Variants in PIAS1 observed in about 807,000 individuals in gnomAD.
PIAS1 encodes the protein E3 SUMO-protein ligase PIAS1.
PIAS1 carries 6 observed loss-of-function variants against 71.3 expected under a neutral mutation model. The observed-to-expected ratio is 0.08, with a 90% confidence interval of 0.05 to 0.17. PIAS1 has a LOEUF of 0.17. Among genes scored for constraint, PIAS1 ranks in the 10% least tolerant of loss-of-function variants. PIAS1 has a pLI of 1.00. For synonymous variants in PIAS1, 303 were observed against 292.9 expected, an observed-to-expected ratio of 1.03 and a Z score of -0.35; for missense variants, 555 against 793.6, an observed-to-expected ratio of 0.70 and a Z score of 3.61.
rs972232850 is a variant in PIAS1, at chr15:68,054,614, G to A, written c.24+264G>A. The A allele has an allele frequency of 4.2e-5, 17 of 407,166 alleles. No individual in the cohort carries two copies. Among genetic ancestry groups the A allele is most frequent in the Non-Finnish European group, 7.0e-5 (16 of 228,664 alleles). 25.2% of individuals were successfully genotyped at this position (407,166 alleles called of 1,614,324 possible). On this transcript the variant is annotated intron_variant, in intron 1 of 13. Transcript: ENST00000249636. The surrounding 1 kb of genome is among the most constrained non-coding windows in gnomAD (Gnocchi z 4.6). ...CTCTGGCGGGGGTGGCGGGGGAAGA[G>A]ATAGGGAGTCCGGAGGTAGGGGCTG...
rs923575423 is a variant in PIAS1, at chr15:68,186,959, T to G, written c.1663-583T>G. ...ATTTCTCAAAACACATCCGTGTCAT[T>G]AAGCGACGCATGACTGTATTTAAAA... On this transcript the variant is annotated intron_variant, in intron 13 of 13. Transcript: ENST00000249636. This position sits in a 1 kb window ranked among gnomAD's most constrained non-coding sequence, Gnocchi z 4.4. Among the ~76,000 whole-genome samples, 4 of 152,268 alleles carry G rather than the reference T, an allele frequency of 2.6e-5. No individual in the cohort carries two copies. In the South Asian group the frequency reaches 8.3e-4, roughly 31 times the overall value.
At chr15:68,117,388 T>G (rs2092574015) in intron 2 of PIAS1, among the ~76,000 whole-genome samples, 1 of 152,184 alleles carries the variant, frequency 6.6e-6, no homozygotes, top group South Asian at 2.1e-4. Flanking sequence ...GCCTGGCCCC[T>G]TCTTGCTATT....
Position 68,174,171 on chromosome 15 carries a change from T to C in PIAS1, c.1169+279T>C, listed in dbSNP as rs573365942. Among the ~76,000 whole-genome samples the C allele has an allele frequency of 1.5e-3, 222 of 152,374 alleles. 1 individual carries two copies. Among genetic ancestry groups the C allele is most frequent in the African/African-American group, 5.0e-3 (208 of 41,586 alleles). The stretch of plus-strand genomic sequence containing the variant: ...GGTGCTTTTAAGCAGGGTGTGCTTA[T>C]ACCTTTTCCTTTTCCTGTCATTAGT... On this transcript the variant is annotated intron_variant, in intron 9 of 13. Coordinates refer to ENST00000249636, the MANE Select transcript of PIAS1 (RefSeq NM_016166.3). This position sits in a 1 kb window ranked among gnomAD's most constrained non-coding sequence, Gnocchi z 4.0.
intron 1 of PIAS1, among the ~76,000 whole-genome samples, chr15:68,072,790 A>G (rs1245076513): frequency 6.6e-6 from 1 of 152,150 alleles, no homozygotes; most frequent in Non-Finnish European, 1.5e-5. Flanking sequence ...CTCTTCAATT[A>G]GATTTATTTT....
At chr15:68,184,948 G>A (rs553698688) in intron 13 of PIAS1, 1 of 153,482 alleles carries the variant, frequency 6.5e-6, no homozygotes, top group East Asian at 1.9e-4. Flanking sequence ...AGAAGTCATC[G>A]ATGACCCAGC....
In PIAS1 at chr15:68,135,126, C is replaced by T. The variant is rs372858357; in HGVS notation, c.470-6820C>T. 2.7e-3 allele frequency among the ~76,000 whole-genome samples: 51 copies of T among 18,888 alleles called. No individual in the cohort carries two copies. In the East Asian group the frequency reaches 0.028, roughly 10 times the overall value. 12.4% of individuals were successfully genotyped at this position (18,888 alleles called of 152,430 possible). On this transcript the variant is annotated intron_variant, in intron 2 of 13. Coordinates refer to ENST00000249636, the MANE Select transcript of PIAS1 (RefSeq NM_016166.3). ...CCCCCCACCTCCCTCCCGGACGGGG[C>T]GGCTGGCCTGGCGGGGGCTGACCCC...
intron 1 of PIAS1, among the ~76,000 whole-genome samples, chr15:68,069,859 A>AATAG (rs1032281750): frequency 6.6e-6 from 1 of 152,120 alleles, no homozygotes; most frequent in African/African-American, 2.4e-5. Context: ...CTATATGAAA[A>AATAG]ATAGTTTGGT....
In PIAS1 at chr15:68,190,012, C is replaced by A. The variant is rs886335998; in HGVS notation, c.*2177C>A. ...CTTAGGTAAAATGAATAGTTTTCTT[C>A]CTGTTTTTTTATGTGTCATTGTTAG... On this transcript the variant is annotated 3_prime_UTR_variant, in exon 14 of 14. Coordinates refer to ENST00000249636, the MANE Select transcript of PIAS1 (RefSeq NM_016166.3). The surrounding 1 kb of genome is among the most constrained non-coding windows in gnomAD (Gnocchi z 4.7). 1 of 152,046 alleles carries A rather than the reference C, an allele frequency of 6.6e-6. No individual in the cohort carries two copies. 9.4% of individuals were successfully genotyped at this position (152,046 alleles called of 1,614,324 possible).
intron 2 of PIAS1, among the ~76,000 whole-genome samples, chr15:68,129,962 A>T (rs574840136): frequency 3.3e-5 from 5 of 151,776 alleles, no homozygotes; most frequent in Non-Finnish European, 7.4e-5. Context: ...TTATTTTGTA[A>T]TCTCTTGTGG....
intron 2 of PIAS1, among the ~76,000 whole-genome samples, chr15:68,110,147 G>C (rs1486709137): frequency 6.6e-6 from 1 of 151,998 alleles, no homozygotes; most frequent in Non-Finnish European, 1.5e-5. Flanking sequence ...AGAAATATTG[G>C]TATGTCCGCT....
In PIAS1 at chr15:68,183,645, C is replaced by T. The variant is rs1224417734; in HGVS notation, c.1640C>T (p.Pro547Leu). ...PYDLQGLDFF[P>L]FLSGDNQHYN... is the part of the protein sequence containing the mutation. ...TCTTCCACAGGATTAGATTTCTTTC[C>T]TTTCTTATCAGGAGACAATCAGGTA... The change falls in exon 13 of 14, where the codon CCT becomes CTT. Residue 547 changes from proline to leucine, a missense_variant. Coordinates refer to ENST00000249636, the MANE Select transcript of PIAS1 (RefSeq NM_016166.3). 8.9e-7 allele frequency: 1 copy of T among 1,125,590 alleles called. No individual in the cohort carries two copies. The highest frequency in any genetic ancestry group is 1.4e-5 in the South Asian group (1 of 70,848). The allele number at this position is 1,125,590 out of a possible 1,614,324, so 69.7% of individuals were successfully genotyped here.
intron 7 of PIAS1, among the ~76,000 whole-genome samples, chr15:68,155,861 T>C (rs890270257): frequency 3.9e-5 from 6 of 152,184 alleles, no homozygotes; most frequent in African/African-American, 1.2e-4. Flanking sequence ...GCCTTAGCCA[T>C]AATCTAATCA....
intron 2 of PIAS1, among the ~76,000 whole-genome samples, chr15:68,129,023 T>C (rs2141029218): frequency 6.6e-6 from 1 of 152,318 alleles, no homozygotes; most frequent in South Asian, 2.1e-4. Context: ...ATATAACATG[T>C]ATTTCTTAAA....
chr15:68,157,507 C>G (rs2092898669), intron 7 of PIAS1, among the ~76,000 whole-genome samples: 1 of 152,178 alleles, frequency 6.6e-6, no homozygotes, highest in African/African-American at 2.4e-5. Context: ...TGAAATTGCT[C>G]TTTCAGATGT....
intron 2 of PIAS1, among the ~76,000 whole-genome samples, chr15:68,131,773 T>A (rs1305531163): frequency 2.6e-5 from 4 of 152,204 alleles, no homozygotes; most frequent in Non-Finnish European, 5.9e-5. Flanking sequence ...AACACTTAGG[T>A]TGATTCCGTA....
rs1487317553 is a variant in PIAS1 at position 68,176,600 on chromosome 15, C to A, written c.1427C>A (p.Ser476Tyr). Residue 476 changes from serine (S) to tyrosine (Y), a missense_variant, in exon 11 of 14, where the codon TCT (serine) becomes TAT (tyrosine). Physicochemically the swap from Ser to Tyr is moderately radical, Grantham distance 144 (BLOSUM62 -2). Around this residue, in one of 5 missense-constraint regions of PIAS1, gnomAD observed 244 missense variants for 307.5 expected, o/e 0.79. Transcript: ENST00000249636. ...SSSDEEEEEPSAKRTCPSLSP... is the reference protein window; with the variant it reads ...SSSDEEEEEPYAKRTCPSLSP... ...TCTGATGAAGAGGAAGAAGAGCCAT[C>A]TGCCAAGAGGACCTGTCCTTCCCTA... 6.2e-7 allele frequency: 1 copy of A among 1,612,856 alleles called. No individual in the cohort carries two copies. Among genetic ancestry groups the A allele is most frequent in the Non-Finnish European group, 8.5e-7 (1 of 1,179,318 alleles).
intron 1 of PIAS1, among the ~76,000 whole-genome samples, chr15:68,065,289 C>T (rs1038016131): frequency 3.9e-5 from 6 of 152,072 alleles, no homozygotes; most frequent in African/African-American, 1.4e-4. Flanking sequence ...TTTTTTATAA[C>T]TTAAAAGGAA....
intron 2 of PIAS1, among the ~76,000 whole-genome samples, chr15:68,134,915 T>G (rs368223887): frequency 3.1e-5 from 1 of 32,490 alleles, no homozygotes; most frequent in Non-Finnish European, 1.1e-4. Context: ...CCAGCAGGGG[T>G]GGCTGGGCAG....
Position 68,082,795 on chromosome 15 carries a change from C to T in PIAS1, c.25-3511C>T, listed in dbSNP as rs117733065. Among the ~76,000 whole-genome samples the T allele has an allele frequency of 5.5e-3, 831 of 152,036 alleles. 2 individuals carry two copies. The highest frequency in any genetic ancestry group is 0.015 in the East Asian group (76 of 5,168). On this transcript the variant is annotated intron_variant, in intron 1 of 13. Coordinates refer to ENST00000249636, the MANE Select transcript of PIAS1 (RefSeq NM_016166.3). ...ACATAGAATATAGAGAAAAAAATGC[C>T]AGAAGAACTAGCTAAAAAGACTTGA...
Sources: allele counts gnomAD v4.1 joint callset (sites outside exome capture counted in the v4.1 genomes callset), GRCh38; gene constraint gnomAD v4.1.1; regional missense constraint gnomAD v4.1.1; non-coding constraint Gnocchi (gnomAD v3.1); transcripts MANE v1.5; gene names NCBI Gene and HGNC (gene_info 2026-07-23, HGNC 2026-07-21).